Variants in GNG7 observed in about 807,000 individuals in gnomAD.
The protein encoded by GNG7 is guanine nucleotide-binding protein G(I)/G(S)/G(O) subunit gamma-7.
In GNG7, 1 loss-of-function variant was observed where a neutral mutation model predicts 4.0. The observed-to-expected ratio is 0.25, with a 90% CI of 0.09 to 1.18. The LOEUF (loss-of-function observed/expected upper bound fraction) is 1.18, where lower values mean the gene tolerates loss of function less well. Among genes scored for constraint, GNG7 ranks in the 50% most tolerant of loss-of-function variants. GNG7 has a pLI of 0.50. For synonymous variants in GNG7, 34 were observed against 36.9 expected, an observed-to-expected ratio of 0.92 and a Z score of 0.29; for missense variants, 86 against 91.9, an observed-to-expected ratio of 0.94 and a Z score of 0.26.
chr19:2,614,574 G>A lies in GNG7; in HGVS notation c.-78+31650C>T, dbSNP rs947247975. On this transcript the variant is annotated intron_variant, in intron 2 of 4. Transcript: ENST00000382159. This position sits in a 1 kb window ranked among gnomAD's most constrained non-coding sequence, Gnocchi z 6.0. Reference sequence around the variant, plus strand: ...CCTTTTGGATCTGGCATCTCTCACTGAGTGTGACATCCTCAAGGGGCATCC... The same window carrying A: ...CCTTTTGGATCTGGCATCTCTCACTAAGTGTGACATCCTCAAGGGGCATCC... Among the ~76,000 whole-genome samples, 4 of 152,132 alleles carry A rather than the reference G, an allele frequency of 2.6e-5. No homozygotes were observed. The highest frequency in any genetic ancestry group is 9.7e-5 in the African/African-American group (4 of 41,402).
At chr19:2,673,071 A>G (rs1983498705) in intron 1 of GNG7, among the ~76,000 whole-genome samples, 1 of 151,418 alleles carries the variant, frequency 6.6e-6, no homozygotes, top group African/African-American at 2.4e-5. Flanking sequence ...CCTGGCTAAC[A>G]CGGTGAAACC....
chr19:2,602,417 C>G (rs1172072983), intron 2 of GNG7, among the ~76,000 whole-genome samples: 2 of 152,210 alleles, frequency 1.3e-5, no homozygotes, highest in African/African-American at 4.8e-5. Context: ...CTGTACCCAC[C>G]CCCTCCTGCA....
intron 3 of GNG7, among the ~76,000 whole-genome samples, chr19:2,524,480 G>T (rs887177839): frequency 1.3e-5 from 2 of 152,228 alleles, no homozygotes; most frequent in African/African-American, 2.4e-5. Flanking sequence ...ATGTATGTGT[G>T]TATGTGTATA....
At chr19:2,534,606 A>T (rs1361092970) in intron 3 of GNG7, among the ~76,000 whole-genome samples, 1 of 152,194 alleles carries the variant, frequency 6.6e-6, no homozygotes, top group Non-Finnish European at 1.5e-5. Context: ...CATGAGGGAG[A>T]TGGCTGTCCC....
intron 2 of GNG7, chr19:2,642,760 C>G (rs572437779): frequency 2.2e-6 from 1 of 456,248 alleles, no homozygotes; most frequent in Admixed American, 2.4e-5. Context: ...TCTCAAAGTG[C>G]TGGGATTACA....
At chr19:2,544,010 G>C (rs1979047449) in intron 3 of GNG7, among the ~76,000 whole-genome samples, 1 of 151,996 alleles carries the variant, frequency 6.6e-6, no homozygotes, top group African/African-American at 2.4e-5. Flanking sequence ...CCAAACCTCT[G>C]CCTGCCTCGA....
chr19:2,588,862 C>G (rs1254811039), intron 2 of GNG7, among the ~76,000 whole-genome samples: 1 of 152,180 alleles, frequency 6.6e-6, no homozygotes, highest in Non-Finnish European at 1.5e-5. Context: ...GGTGGCACCT[C>G]TCTTCCCAGG....
chr19:2,579,307 C>A (rs531623729), intron 2 of GNG7, among the ~76,000 whole-genome samples: 1 of 152,254 alleles, frequency 6.6e-6, no homozygotes, highest in Admixed American at 6.5e-5. Context: ...GGCTGGCTCC[C>A]GTCCGGGTCT....
chr19:2,603,806 G>A (rs1243630846), intron 2 of GNG7, among the ~76,000 whole-genome samples: 2 of 152,058 alleles, frequency 1.3e-5, no homozygotes, highest in Admixed American at 6.6e-5. Context: ...ACAGAAGGAG[G>A]AACTAAGCGT....
chr19:2,668,642 C>T (rs1027202877), intron 1 of GNG7, among the ~76,000 whole-genome samples: 1 of 152,086 alleles, frequency 6.6e-6, no homozygotes, highest in Non-Finnish European at 1.5e-5. Flanking sequence ...AGGGTGCAGC[C>T]GCTCCTGGGC....
intron 1 of GNG7, among the ~76,000 whole-genome samples, chr19:2,654,162 G>A (rs1568275328): frequency 6.6e-6 from 1 of 152,106 alleles, no homozygotes; most frequent in Non-Finnish European, 1.5e-5. Flanking sequence ...GGGCGGGGCC[G>A]GCTGGGGAGG....
intron 2 of GNG7, among the ~76,000 whole-genome samples, chr19:2,556,867 G>A (rs1979560823): frequency 6.6e-6 from 1 of 152,134 alleles, no homozygotes; most frequent in African/African-American, 2.4e-5. Context: ...CCTGCTCCGT[G>A]CCAGGAGCAC....
At chr19:2,584,750 C>G (rs192974243) in intron 2 of GNG7, among the ~76,000 whole-genome samples, 964 of 12,656 alleles carry the variant, frequency 0.076, 45 homozygotes, top group African/African-American at 0.16. Flanking sequence ...GAGGGAGGGA[C>G]GGATGGAGGG....
intron 2 of GNG7, among the ~76,000 whole-genome samples, chr19:2,581,289 G>A (rs1980495914): frequency 6.8e-6 from 1 of 147,364 alleles, no homozygotes; most frequent in Non-Finnish European, 1.5e-5. Context: ...CTGGGTGACA[G>A]ACTGATGGGG....
At chr19:2,588,056 G>A (rs1450260010) in intron 2 of GNG7, among the ~76,000 whole-genome samples, 1 of 152,172 alleles carries the variant, frequency 6.6e-6, no homozygotes, top group Non-Finnish European at 1.5e-5. Flanking sequence ...GAAATGAAAA[G>A]CATCCAGATT....
chr19:2,553,840 A>C (rs940396688), intron 3 of GNG7, among the ~76,000 whole-genome samples: 5 of 146,712 alleles, frequency 3.4e-5, no homozygotes, highest in African/African-American at 1.2e-4. Flanking sequence ...TATATGTAAT[A>C]TTGCATACAT....
intron 2 of GNG7, among the ~76,000 whole-genome samples, chr19:2,595,872 AGAC>A (rs1296225443): frequency 2.6e-5 from 4 of 152,146 alleles, no homozygotes; most frequent in African/African-American, 9.7e-5. Flanking sequence ...TTCAGTGGTT[AGAC>A]GACAATGACC....
chr19:2,535,935 G>A (rs553384371), intron 3 of GNG7, among the ~76,000 whole-genome samples: 65 of 152,050 alleles, frequency 4.3e-4, no homozygotes, highest in African/African-American at 1.4e-3. Flanking sequence ...AAACCAGCCC[G>A]AGCAACAGAG....
At chr19:2,527,305 C>T (rs2144734231) in intron 3 of GNG7, among the ~76,000 whole-genome samples, 1 of 152,288 alleles carries the variant, frequency 6.6e-6, no homozygotes, top group Non-Finnish European at 1.5e-5. Context: ...AATGCTGTGT[C>T]TCACTCAGAC....
Sources: allele counts gnomAD v4.1 joint callset (sites outside exome capture counted in the v4.1 genomes callset), GRCh38; gene constraint gnomAD v4.1.1; non-coding constraint Gnocchi (gnomAD v3.1); transcripts MANE v1.5; gene names NCBI Gene and HGNC (gene_info 2026-07-23, HGNC 2026-07-21).